Variants in C12orf56 observed in about 807,000 individuals in gnomAD.
C12orf56 encodes uncharacterized protein C12orf56.
In C12orf56, 71 loss-of-function variants were observed where a neutral mutation model predicts 69.9. The observed-to-expected ratio is 1.02, with a 90% CI of 0.84 to 1.24. The LOEUF is 1.24. Among genes scored for constraint, C12orf56 ranks in the 50% most tolerant of loss-of-function variants. C12orf56 has a pLI of 0.00. For synonymous variants in C12orf56, 276 were observed against 274.1 expected, an observed-to-expected ratio of 1.01 and a Z score of -0.07; for missense variants, 732 against 738.5, an observed-to-expected ratio of 0.99 and a Z score of 0.10.
At chr12:64,311,438 A>T (rs1447529374) in intron 5 of C12orf56, among the ~76,000 whole-genome samples, 1 of 151,096 alleles carries the variant, frequency 6.6e-6, no homozygotes, top group Non-Finnish European at 1.5e-5. Flanking sequence ...AAACAGAAAG[A>T]AAAAAAAAGT....
At chr12:64,307,898 C>T (rs2038537535) in intron 5 of C12orf56, among the ~76,000 whole-genome samples, 1 of 152,034 alleles carries the variant, frequency 6.6e-6, no homozygotes, top group Admixed American at 6.6e-5. Flanking sequence ...CACCTGTAGT[C>T]CCAGCTACTC....
At chr12:64,331,297 T>C (rs1239509090) in intron 2 of C12orf56, among the ~76,000 whole-genome samples, 3 of 152,090 alleles carry the variant, frequency 2.0e-5, no homozygotes, top group African/African-American at 7.2e-5. Flanking sequence ...GCTCACAAGT[T>C]CAAGACGAGC....
intron 1 of C12orf56, among the ~76,000 whole-genome samples, chr12:64,376,676 C>A (rs1048962688): frequency 5.4e-5 from 8 of 147,250 alleles, no homozygotes; most frequent in Non-Finnish European, 1.0e-4. Context: ...GTGTTCTCAT[C>A]ATTTAGCTCC....
chr12:64,267,540 A>G (rs1469149601), intron 12 of C12orf56: 8 of 459,266 alleles, frequency 1.7e-5, no homozygotes, highest in Admixed American at 1.6e-4. Context: ...TGTCCTCACC[A>G]CAGTATGAGC....
chr12:64,275,281 A>ATTT lies in C12orf56; in HGVS notation c.1509+14_1509+16dup, dbSNP rs2038036742. The ATTT allele has an allele frequency of 8.2e-7, 1 of 1,225,414 alleles. No homozygotes were observed. Among genetic ancestry groups the ATTT allele is most frequent in the African/African-American group, 1.5e-5 (1 of 65,364 alleles). The allele number at this position is 1,225,414 out of a possible 1,614,324, so 75.9% of individuals were successfully genotyped here. A position where few individuals can be genotyped will look rare whatever the true frequency, so the allele number is the denominator to read the frequency against. On this transcript the variant is annotated intron_variant, in intron 10 of 12. Coordinates refer to ENST00000543942, the MANE Select transcript of C12orf56 (RefSeq NM_001170633.2). ...GTTACATAAAATATGTAAAAATATA[A>ATTT]TTTTTAAAAATTGTACCTGCTGAAA...
At chr12:64,361,858 G>A (rs780179225) in intron 1 of C12orf56, among the ~76,000 whole-genome samples, 10 of 151,906 alleles carry the variant, frequency 6.6e-5, no homozygotes, top group South Asian at 4.2e-4. Flanking sequence ...TCAGCCTCCC[G>A]AGTATCTGGG....
At chr12:64,358,586 G>A (rs988078185) in intron 1 of C12orf56, among the ~76,000 whole-genome samples, 1 of 151,358 alleles carries the variant, frequency 6.6e-6, no homozygotes, top group Admixed American at 6.6e-5. Flanking sequence ...CTGAGGTCAG[G>A]AGTTCGAGAC....
chr12:64,380,097 T>A lies in C12orf56; in HGVS notation c.252+10217A>T, dbSNP rs147437166. Among the ~76,000 whole-genome samples the A allele has an allele frequency of 1.7e-3, 154 of 89,606 alleles. 3 individuals are homozygous for A. In the East Asian group the frequency reaches 0.048, roughly 28 times the overall value. 58.8% of individuals were successfully genotyped at this position (89,606 alleles called of 152,430 possible). ...TCCAGCCTGGGCGACAGAGCAAGAC[T>A]CCGTCGCAAAAAAAAAAAAAAAAAA... is the stretch of plus-strand genomic sequence containing the variant. On this transcript the variant is annotated intron_variant, in intron 1 of 12. Transcript: ENST00000543942.
At chr12:64,319,054 A>G in intron 3 of C12orf56, 74 bp from the exon 4 acceptor site, 5 of 1,292,158 alleles carry the variant, frequency 3.9e-6, no homozygotes, top group Non-Finnish European at 5.1e-6. Context: ...CCGGTAGTTT[A>G]AGACTGAACA....
chr12:64,371,899 A>ATTTC (rs200699876), intron 1 of C12orf56, among the ~76,000 whole-genome samples: 48 of 139,150 alleles, frequency 3.4e-4, no homozygotes, highest in African/African-American at 1.3e-3. Context: ...CTTGGCAATG[A>ATTTC]TTTCTTTTTT....
At chr12:64,305,190 T>C (rs2038495623) in intron 5 of C12orf56, among the ~76,000 whole-genome samples, 1 of 152,234 alleles carries the variant, frequency 6.6e-6, no homozygotes, top group East Asian at 1.9e-4. Context: ...TCATTATGAA[T>C]TCAATAATAG....
intron 6 of C12orf56, chr12:64,293,493 T>G (rs1418444386): frequency 6.6e-6 from 1 of 152,234 alleles, no homozygotes; most frequent in Non-Finnish European, 1.5e-5. Flanking sequence ...GTCGCTCAGT[T>G]TCTTTGTCTT....
chr12:64,318,538 A>C lies in C12orf56; in HGVS notation c.894+37T>G, dbSNP rs139415863. ...GTTTGCTCTAAAAAATAAAAATATA[A>C]AAATTCAGGTTAAGGTTAACTTAGG... On this transcript the variant is annotated intron_variant, in intron 4 of 12. Coordinates refer to ENST00000543942, the MANE Select transcript of C12orf56 (RefSeq NM_001170633.2). 1.5e-3 allele frequency: 2,147 copies of C among 1,445,944 alleles called. 30 individuals carry two copies. In the African/African-American group the frequency reaches 0.027, roughly 18 times the overall value. 89.6% of individuals were successfully genotyped at this position (1,445,944 alleles called of 1,614,324 possible). A position where few individuals can be genotyped will look rare whatever the true frequency, so the allele number is the denominator to read the frequency against.
chr12:64,344,173 G>A (rs2039111234), intron 2 of C12orf56, among the ~76,000 whole-genome samples: 2 of 152,124 alleles, frequency 1.3e-5, no homozygotes, highest in African/African-American at 4.8e-5. Flanking sequence ...CTGCTAAAAG[G>A]TCACAGGTCT....
chr12:64,269,067 G>A (rs1450321456), intron 12 of C12orf56, among the ~76,000 whole-genome samples: 1 of 151,574 alleles, frequency 6.6e-6, no homozygotes, highest in Non-Finnish European at 1.5e-5. Context: ...TTGAGCCCAG[G>A]AGGCAGAGAT....
chr12:64,298,573 G>C (rs1449542698), intron 6 of C12orf56, among the ~76,000 whole-genome samples: 1 of 152,024 alleles, frequency 6.6e-6, no homozygotes, highest in African/African-American at 2.4e-5. Flanking sequence ...TGTAAGGAAG[G>C]GGTCCAGTTT....
rs1390941661 is a variant in C12orf56 at position 64,355,686 on chromosome 12, G to T, written c.253-2630C>A. The T allele has an allele frequency of 2.0e-5, 3 of 152,160 alleles. No individual in the cohort carries two copies. The East Asian group carries it at 5.8e-4, about 29-fold the overall frequency. The allele number at this position is 152,160 out of a possible 1,614,324, so 9.4% of individuals were successfully genotyped here. ...ACACCAAGATAATTCCTAAGTAAGA[G>T]AGAATACTGAAACATTGGCTACTTG... On this transcript the variant is annotated intron_variant, in intron 1 of 12. Transcript: ENST00000543942.
chr12:64,293,589 T>A (rs1364366618), intron 6 of C12orf56, among the ~76,000 whole-genome samples: 1 of 152,202 alleles, frequency 6.6e-6, no homozygotes, highest in Admixed American at 6.6e-5. Context: ...GCTTCAACAG[T>A]GCTTAGCACA....
chr12:64,349,973 T>C (rs538826016), intron 2 of C12orf56, among the ~76,000 whole-genome samples: 1 of 151,982 alleles, frequency 6.6e-6, no homozygotes, highest in East Asian at 1.9e-4. Flanking sequence ...GTGCCTGTAA[T>C]CTCAGCTACT....
Sources: gnomAD v4.1 joint callset for allele counts (sites outside exome capture counted in the v4.1 genomes callset) on GRCh38, gnomAD v4.1.1 for gene constraint, MANE v1.5 for transcripts, NCBI Gene and HGNC (gene_info 2026-07-23, HGNC 2026-07-21) for gene names.